Variants in TANC1 observed in about 807,000 individuals in gnomAD.
TANC1 encodes protein TANC1.
A neutral mutation model predicts 149.7 loss-of-function variants in TANC1; 77 were observed. The ratio of observed to expected loss-of-function variants is 0.51; its 90% CI spans 0.43 to 0.62. The LOEUF (loss-of-function observed/expected upper bound fraction) is 0.62. TANC1 is among the 20% of genes least tolerant of loss of function. The pLI, the probability that TANC1 is intolerant of heterozygous loss-of-function variation, is 0.00. For synonymous variants in TANC1, 854 were observed against 925.0 expected, an observed-to-expected ratio of 0.92 and a Z score of 1.39; for missense variants, 1,985 against 2,321.8, an observed-to-expected ratio of 0.85 and a Z score of 2.98.
At chr2:159,140,291 C>T (rs1326649903) in intron 5 of TANC1, among the ~76,000 whole-genome samples, 1 of 152,002 alleles carries the variant, frequency 6.6e-6, no homozygotes, top group East Asian at 1.9e-4. Flanking sequence ...TCTTAAAACC[C>T]TTTCTTTCCC....
chr2:159,158,842 C>A (rs992264442), intron 7 of TANC1, among the ~76,000 whole-genome samples: 1 of 152,316 alleles, frequency 6.6e-6, no homozygotes, highest in South Asian at 2.1e-4. Flanking sequence ...GGTCTGGAGA[C>A]GCATACCTCC....
At chr2:159,016,864 G>A (rs749309931) in intron 2 of TANC1, among the ~76,000 whole-genome samples, 1 of 152,078 alleles carries the variant, frequency 6.6e-6, no homozygotes, top group Non-Finnish European at 1.5e-5. Context: ...GTGAGCCACT[G>A]CACCCAGCCT....
intron 4 of TANC1, among the ~76,000 whole-genome samples, chr2:159,130,826 G>A (rs547003449): frequency 2.0e-5 from 3 of 152,214 alleles, no homozygotes; most frequent in East Asian, 3.9e-4. Flanking sequence ...GACTACAGGC[G>A]TGCACCACCG....
At chr2:159,221,918 G>A (rs2357058) in intron 22 of TANC1, among the ~76,000 whole-genome samples, 13,186 of 152,158 alleles carry the variant, frequency 0.087, 1,209 homozygotes, top group East Asian at 0.23. Flanking sequence ...CCAGAGAAAT[G>A]GTCAGCTACA....
intron 1 of TANC1, among the ~76,000 whole-genome samples, chr2:158,998,990 A>G (rs2149316612): frequency 6.6e-6 from 1 of 152,308 alleles, no homozygotes; most frequent in Non-Finnish European, 1.5e-5. Context: ...CCTGAAGGCC[A>G]CAGACTTGGG....
chr2:159,062,992 A>AAAAAAAACAAAAAC (rs1559188236), intron 2 of TANC1, among the ~76,000 whole-genome samples: 1 of 147,414 alleles, frequency 6.8e-6, no homozygotes, highest in Non-Finnish European at 1.5e-5. Flanking sequence ...AAAAAAAAAA[A>AAAAAAAACAAAAAC]AAAGAAAGCA....
chr2:159,159,717 TGAGAGAGAGAGAGAGAGA>T (rs56101796), intron 7 of TANC1, among the ~76,000 whole-genome samples: 93 of 114,966 alleles, frequency 8.1e-4, no homozygotes, highest in East Asian at 2.1e-3. Context: ...TGTGTGTGTG[TGAGAGAGAGAGAGAGAGA>T]GAGAGAGAGA....
Position 159,026,313 on chromosome 2 carries a change from C to T in TANC1, c.-16+25124C>T, listed in dbSNP as rs115203384. Among the ~76,000 whole-genome samples the T allele has an allele frequency of 9.1e-3, 1,383 of 152,264 alleles. 8 individuals are homozygous for T. The highest frequency in any genetic ancestry group is 0.024 in the Middle Eastern group (7 of 292). On this transcript the variant is annotated intron_variant, in intron 2 of 26. Transcript: ENST00000263635. ...GCTGTTGCCTAGCATGCCTTCTTGG[C>T]GTGGACCAGCTCAGTGTCCTTACTC...
chr2:159,097,930 T>C, intron 4 of TANC1, 96 bp downstream of exon 4: 1 of 1,087,372 alleles, frequency 9.2e-7, no homozygotes, highest in Non-Finnish European at 1.3e-6. Context: ...TCTGGGACAA[T>C]GTTTTTTCTT....
Position 159,230,674 on chromosome 2 carries a change from G to A in TANC1, c.5248G>A (p.Glu1750Lys), listed in dbSNP as rs2060291646. 3 of 1,614,112 alleles carry A rather than the reference G, an allele frequency of 1.9e-6. No individual in the cohort carries two copies. The highest frequency in any genetic ancestry group is 1.3e-5 in the African/African-American group (1 of 74,934). ...PSRSWHCPAP[E>K]GLLTNTSSAA... ...CCGCAGCTGGCACTGTCCGGCACCA[G>A]AGGGGCTGCTGACAAACACGTCTTC... The change falls in exon 27 of 27, where the codon GAG (glutamate) becomes AAG (lysine). Residue 1750 changes from glutamate (E) to lysine (K), a missense_variant. By Grantham distance (56) the Glu-to-Lys change is moderately conservative. Coordinates refer to ENST00000263635, the MANE Select transcript of TANC1 (RefSeq NM_033394.3). The surrounding 1 kb of genome is among the most constrained non-coding windows in gnomAD (Gnocchi z 4.4).
chr2:159,052,585 C>T (rs2041555402), intron 2 of TANC1, among the ~76,000 whole-genome samples: 8 of 152,180 alleles, frequency 5.3e-5, no homozygotes, highest in African/African-American at 1.9e-4. Context: ...TTATAAATTA[C>T]CATCTCCATG....
At chr2:159,060,032 C>A in intron 2 of TANC1, 2 of 577,292 alleles carry the variant, frequency 3.5e-6, no homozygotes, top group Non-Finnish European at 4.4e-6. Context: ...TTCAGACTCC[C>A]TGCTACCACC....
At chr2:159,179,796 G>C (rs1443126688) in intron 14 of TANC1, among the ~76,000 whole-genome samples, 1 of 152,208 alleles carries the variant, frequency 6.6e-6, no homozygotes, top group Non-Finnish European at 1.5e-5. Flanking sequence ...CAGTGGGATG[G>C]GGAAGGAAGC....
At chr2:159,028,640 G>C (rs1574216490) in intron 2 of TANC1, among the ~76,000 whole-genome samples, 1 of 152,278 alleles carries the variant, frequency 6.6e-6, no homozygotes, top group East Asian at 1.9e-4. Flanking sequence ...CTGATTTCTA[G>C]AAGTATTTCA....
In TANC1 at chr2:159,062,973, C is replaced by CA. The variant is rs58675911; in HGVS notation, c.-15-2901dup. On this transcript the variant is annotated intron_variant, in intron 2 of 26. Coordinates refer to ENST00000263635, the MANE Select transcript of TANC1 (RefSeq NM_033394.3). Reference sequence around the variant, plus strand: ...TGGGCGACAGAGCGAGACTCCGTCTCAAAAAAAAAAAAAAAAAAAAAAGAA... The same window carrying CA: ...TGGGCGACAGAGCGAGACTCCGTCTCAAAAAAAAAAAAAAAAAAAAAAAGAA... Among the ~76,000 whole-genome samples the CA allele has an allele frequency of 3.8e-3, 157 of 41,188 alleles. 9 individuals are homozygous for CA. Among genetic ancestry groups the CA allele is most frequent in the African/African-American group, 9.0e-3 (122 of 13,542 alleles). 27.0% of individuals were successfully genotyped at this position (41,188 alleles called of 152,430 possible). A position where few individuals can be genotyped will look rare whatever the true frequency, so the allele number is the denominator to read the frequency against.
In TANC1 at chr2:159,224,316, C is replaced by G. The variant is rs1230137835; in HGVS notation, c.3763C>G (p.Arg1255Gly). ...MRPLDRAIGC[R>G]NTSVVVALLR... ...GCCCTTGGACAGAGCCATCGGCTGCCGGAACACATCTGTAGTGGTGGCGCT... is the reference window on the plus strand; with the variant it reads ...GCCCTTGGACAGAGCCATCGGCTGCGGGAACACATCTGTAGTGGTGGCGCT... Residue 1255 changes from arginine (R) to glycine (G), a missense_variant, in exon 23 of 27, where the codon CGG becomes GGG. Arg to Gly is a moderately radical substitution (Grantham distance 125, BLOSUM62 -2). This residue lies in a region of TANC1 where 920 missense variants were observed against 994.7 expected (regional missense o/e 0.92). Transcript: ENST00000263635. The G allele has an allele frequency of 6.2e-7, 1 of 1,614,082 alleles. No individual in the cohort carries two copies.
chr2:159,213,203 A>G (rs2059118222), intron 19 of TANC1, among the ~76,000 whole-genome samples: 1 of 152,152 alleles, frequency 6.6e-6, no homozygotes. Context: ...TTTATGCGAA[A>G]AGGCATATTT....
At chr2:159,146,536 CTTTTT>C (rs35745470) in intron 5 of TANC1, among the ~76,000 whole-genome samples, 2 of 78,346 alleles carry the variant, frequency 2.6e-5, no homozygotes, top group Admixed American at 1.4e-4. Flanking sequence ...GTCCCTTTTC[CTTTTT>C]TTTTTTTTTT....
chr2:159,051,905 C>T (rs2041504963), intron 2 of TANC1, among the ~76,000 whole-genome samples: 1 of 152,124 alleles, frequency 6.6e-6, no homozygotes, highest in Admixed American at 6.5e-5. Flanking sequence ...CTCGGTTACC[C>T]AGGATCCATG....
Sources: gnomAD v4.1 joint callset for allele counts (sites outside exome capture counted in the v4.1 genomes callset) on GRCh38, gnomAD v4.1.1 for gene constraint, gnomAD v4.1.1 regional missense constraint, Gnocchi (gnomAD v3.1) non-coding constraint, MANE v1.5 for transcripts, NCBI Gene and HGNC (gene_info 2026-07-23, HGNC 2026-07-21) for gene names.